Variants in SPART observed in about 807,000 individuals in gnomAD.
SPART encodes the protein spastic paraplegia 20 (Troyer syndrome).
Under a neutral mutation model 58.7 loss-of-function variants are expected in SPART, and 35 were observed. The ratio of observed to expected loss-of-function variants is 0.60; its 90% CI spans 0.46 to 0.79. The LOEUF is 0.79. Ranked by LOEUF, SPART falls within the 30% of genes least tolerant of loss-of-function variation. SPART has a pLI of 0.00. For synonymous variants in SPART, 284 were observed against 280.7 expected, an observed-to-expected ratio of 1.01 and a Z score of -0.12; for missense variants, 730 against 786.1, an observed-to-expected ratio of 0.93 and a Z score of 0.85.
At chr13:36,320,417 G>A (rs58099442) in intron 5 of SPART, among the ~76,000 whole-genome samples, 48 of 152,108 alleles carry the variant, frequency 3.2e-4, no homozygotes, top group African/African-American at 9.6e-4. Flanking sequence ...CCCTGATCAC[G>A]CTTGATTTAT....
chr13:36,353,348 C>T (rs1383540647), intron 1 of SPART, among the ~76,000 whole-genome samples: 1 of 152,140 alleles, frequency 6.6e-6, no homozygotes, highest in East Asian at 1.9e-4. Flanking sequence ...GACCCTTGGA[C>T]ATTTTGAAGA....
At chr13:36,359,923 T>TTAAAAA (rs1555266090) in intron 1 of SPART, among the ~76,000 whole-genome samples, 5 of 120,308 alleles carry the variant, frequency 4.2e-5, no homozygotes, top group African/African-American at 9.8e-5. Context: ...GTTGTTAATT[T>TTAAAAA]AAAAAAAAAA....
chr13:36,343,685 C>T (rs747262829), intron 1 of SPART, among the ~76,000 whole-genome samples: 2 of 152,168 alleles, frequency 1.3e-5, no homozygotes, highest in Non-Finnish European at 2.9e-5. Context: ...CTCTGGCCCT[C>T]AGAAGCACCA....
intron 1 of SPART, among the ~76,000 whole-genome samples, chr13:36,366,417 T>A (rs983309373): frequency 6.6e-6 from 1 of 152,176 alleles, no homozygotes; most frequent in Non-Finnish European, 1.5e-5. Flanking sequence ...CACTTCCTCA[T>A]TAATTCAAAG....
chr13:36,305,798 A>G (rs1258078259), intron 8 of SPART, among the ~76,000 whole-genome samples: 6 of 152,046 alleles, frequency 3.9e-5, no homozygotes, highest in Admixed American at 3.9e-4. Context: ...ATTTCCCCCA[A>G]ATAGAGGACT....
rs745387341 is a variant in SPART, at chr13:36,314,388, C to T, written c.1322G>A (p.Gly441Asp). 1 of 1,614,034 alleles carries T rather than the reference C, an allele frequency of 6.2e-7. No homozygotes were observed. The highest frequency in any genetic ancestry group is 2.2e-5 in the East Asian group (1 of 44,864). ...ASWVSWGLVK[G>D]AEITGKAIQK... is the part of the protein sequence containing the mutation. ...GATTGCCTTACCAGTAATCTCAGCACCTTTGACTAAACCCCAACTCACCCA... is the reference window on the plus strand; with the variant it reads ...GATTGCCTTACCAGTAATCTCAGCATCTTTGACTAAACCCCAACTCACCCA... The change falls in exon 6 of 9, where the codon GGT (glycine) becomes GAT (aspartate). Residue 441 changes from glycine to aspartate, a missense_variant. Gly to Asp is a moderately conservative substitution (Grantham distance 94). Coordinates refer to ENST00000438666, the MANE Select transcript of SPART (RefSeq NM_015087.5).
At chr13:36,310,266 ATCAATATTGC>A (rs376288020) in intron 8 of SPART, among the ~76,000 whole-genome samples, 12 of 152,338 alleles carry the variant, frequency 7.9e-5, no homozygotes, top group Admixed American at 6.5e-5. Context: ...TGTGAATACT[ATCAATATTGC>A]TCTTCTTTTT....
At chr13:36,366,286 T>G (rs1886050292) in intron 1 of SPART, among the ~76,000 whole-genome samples, 1 of 152,182 alleles carries the variant, frequency 6.6e-6, no homozygotes, top group African/African-American at 2.4e-5. Flanking sequence ...GCTTATTAGA[T>G]TCATCTCAAA....
At chr13:36,344,334 A>C (rs1884852070) in intron 1 of SPART, among the ~76,000 whole-genome samples, 1 of 152,202 alleles carries the variant, frequency 6.6e-6, no homozygotes, top group African/African-American at 2.4e-5. Flanking sequence ...TTTCCTAATA[A>C]TGTGTCAATG....
chr13:36,367,702 G>A (rs572548699), intron 1 of SPART, among the ~76,000 whole-genome samples: 20 of 152,322 alleles, frequency 1.3e-4, no homozygotes, highest in African/African-American at 4.6e-4. Flanking sequence ...GAGGTAGATG[G>A]CAGTGTATTC....
intron 8 of SPART, among the ~76,000 whole-genome samples, chr13:36,309,429 C>G (rs1291324458): frequency 6.6e-6 from 1 of 152,090 alleles, no homozygotes; most frequent in Admixed American, 6.5e-5. Context: ...AAGACACATG[C>G]ACTCACTCAC....
chr13:36,313,474 C>T (rs952318919), intron 6 of SPART, among the ~76,000 whole-genome samples: 13 of 152,148 alleles, frequency 8.5e-5, no homozygotes, highest in Non-Finnish European at 1.6e-4. Context: ...TAGTAATGTC[C>T]TAGGCCTTCA....
chr13:36,312,058 G>T, intron 8 of SPART, 87 bp downstream of exon 8: 1 of 1,299,858 alleles, frequency 7.7e-7, no homozygotes, highest in Non-Finnish European at 1.1e-6. Context: ...TTGCACTCCA[G>T]CTTGGGCAAC....
intron 1 of SPART, among the ~76,000 whole-genome samples, chr13:36,344,520 T>C (rs1046179011): frequency 6.6e-6 from 1 of 152,210 alleles, no homozygotes; most frequent in African/African-American, 2.4e-5. Flanking sequence ...ATAAGTCTAA[T>C]GGTCAATTTC....
intron 5 of SPART, among the ~76,000 whole-genome samples, chr13:36,324,017 G>A (rs2137440291): frequency 6.6e-6 from 1 of 152,296 alleles, no homozygotes; most frequent in African/African-American, 2.4e-5. Context: ...GCTTCCGGTA[G>A]CACCATGGTG....
intron 4 of SPART, among the ~76,000 whole-genome samples, chr13:36,328,192 G>A (rs146302672): frequency 9.2e-4 from 140 of 152,086 alleles, no homozygotes; most frequent in African/African-American, 3.1e-3. Flanking sequence ...TCATATAGCT[G>A]GTCTAAGATG....
intron 1 of SPART, among the ~76,000 whole-genome samples, chr13:36,352,197 A>G (rs942594887): frequency 2.0e-5 from 3 of 152,236 alleles, no homozygotes; most frequent in Non-Finnish European, 4.4e-5. Context: ...AAAAGCATGC[A>G]TTTGACAAAA....
chr13:36,347,126 C>T (rs1356624467), upstream of SPART, among the ~76,000 whole-genome samples: 1 of 151,086 alleles, frequency 6.6e-6, no homozygotes, highest in African/African-American at 2.4e-5. Context: ...ATGACAGACT[C>T]TTCAATAGGG....
chr13:36,356,532 CT>C (rs1885629423), intron 1 of SPART, among the ~76,000 whole-genome samples: 1 of 152,210 alleles, frequency 6.6e-6, no homozygotes, highest in Admixed American at 6.5e-5. Flanking sequence ...GATCCCAGGT[CT>C]TTAGACAAAC....
Sources: gnomAD v4.1 joint callset for allele counts (sites outside exome capture counted in the v4.1 genomes callset) on GRCh38, gnomAD v4.1.1 for gene constraint, MANE v1.5 for transcripts, NCBI Gene and HGNC (gene_info 2026-07-23, HGNC 2026-07-21) for gene names.